Variants in GUCY2C observed in about 807,000 individuals in gnomAD.
GUCY2C encodes the protein guanylyl cyclase C.
A neutral mutation model predicts 131.1 loss-of-function variants in GUCY2C; 118 were observed. The observed-to-expected ratio is 0.90, with a 90% CI of 0.78 to 1.05. GUCY2C has a LOEUF of 1.05. GUCY2C is among the 50% of genes least tolerant of loss of function. GUCY2C has a pLI of 0.00. For missense variants in GUCY2C, 1,161 were observed against 1,304.4 expected (o/e 0.89, Z 1.69); for synonymous variants, 452 against 457.8 (o/e 0.99, Z 0.16).
At position 14,613,244 on chromosome 12, in the gene GUCY2C, T is replaced by C. The variant is rs1592065419; in HGVS notation, c.3095A>G (p.Asn1032Ser). 2 of 1,613,268 alleles carry C rather than the reference T, an allele frequency of 1.2e-6. No individual in the cohort carries two copies. The highest frequency in any genetic ancestry group is 8.5e-7 in the Non-Finnish European group (1 of 1,179,472). Residue 1032 changes from asparagine (N) to serine (S), a missense_variant, in exon 27 of 27, where the codon AAC becomes AGC. Transcript: ENST00000261170. This position sits in a 1 kb window ranked among gnomAD's most constrained non-coding sequence, Gnocchi z 4.9. ...LQAEFSDMIA[N>S]SLQKRQAAGI... ...TGCTGCCTGTCTTTTCTGTAAAGAG[T>C]TGGCAATCATGTCTGAAAATTCTGC...
chr12:14,669,666 C>T, intron 10 of GUCY2C, 56 bp downstream of exon 10: 1 of 881,966 alleles, frequency 1.1e-6, no homozygotes, highest in Non-Finnish European at 1.8e-6. Context: ...ATAGACTTTA[C>T]TTTTCTTACC....
In GUCY2C at chr12:14,674,774, G is replaced by GA; in HGVS notation, c.949-15dup. ...GTCTCGTTTTGTCTAAATAAAAAAG[G>GA]AAAATATTAAAACGGGTCCTTCAAA... On this transcript the variant is annotated splice_polypyrimidine_tract_variant and intron_variant, in intron 7 of 26. Coordinates refer to ENST00000261170, the MANE Select transcript of GUCY2C (RefSeq NM_004963.4). 6.3e-7 allele frequency: 1 copy of GA among 1,588,950 alleles called. No individual in the cohort carries two copies. Among genetic ancestry groups the GA allele is most frequent in the Admixed American group, 1.8e-5 (1 of 56,472 alleles).
At chr12:14,620,684 A>G (rs554352031) in intron 23 of GUCY2C, among the ~76,000 whole-genome samples, 1 of 152,236 alleles carries the variant, frequency 6.6e-6, no homozygotes, top group South Asian at 2.1e-4. Flanking sequence ...ATACTATAAT[A>G]TTTTAGTGGG....
intron 19 of GUCY2C, among the ~76,000 whole-genome samples, chr12:14,633,207 C>T (rs1198553962): frequency 6.6e-6 from 1 of 152,162 alleles, no homozygotes; most frequent in East Asian, 1.9e-4. Context: ...CTCCAAGGGG[C>T]CCTGAGGACC....
intron 17 of GUCY2C, among the ~76,000 whole-genome samples, chr12:14,643,285 CT>C (rs1182269736): frequency 6.6e-6 from 1 of 152,054 alleles, no homozygotes; most frequent in Non-Finnish European, 1.5e-5. Flanking sequence ...CTGCTCTAAC[CT>C]TCTATATTTT....
In GUCY2C at chr12:14,632,699, G is replaced by A. The variant is rs1379053548; in HGVS notation, c.2158-3962C>T. On this transcript the variant is annotated intron_variant, in intron 19 of 26. Coordinates refer to ENST00000261170, the MANE Select transcript of GUCY2C (RefSeq NM_004963.4). ...GAATGACCCCTGCCTACTGAAGCCA[G>A]TGCCTGTACACACCACAGGGTGGGG... 7.9e-5 allele frequency among the ~76,000 whole-genome samples: 12 copies of A among 152,320 alleles called. No individual in the cohort carries two copies. In the East Asian group the frequency reaches 2.3e-3, roughly 29 times the overall value.
rs1947500973 is a variant in GUCY2C at position 14,645,441 on chromosome 12, A to G, written c.1711-126T>C. On this transcript the variant is annotated intron_variant, in intron 15 of 26. Coordinates refer to ENST00000261170, the MANE Select transcript of GUCY2C (RefSeq NM_004963.4). ...AGGATCAGGAACAAATTGGAATTCC[A>G]TTGTCTGGGATTTCATGAACCTGTG... 9 of 585,824 alleles carry G rather than the reference A, an allele frequency of 1.5e-5. No homozygotes were observed. In the South Asian group the frequency reaches 1.9e-4, roughly 12 times the overall value. 36.3% of individuals were successfully genotyped at this position (585,824 alleles called of 1,614,324 possible).
intron 19 of GUCY2C, among the ~76,000 whole-genome samples, chr12:14,636,477 A>G (rs1203071986): frequency 2.0e-5 from 3 of 152,136 alleles, no homozygotes; most frequent in East Asian, 1.9e-4. Context: ...AAGGCCAGCC[A>G]TATATCACAC....
chr12:14,674,438 A>G (rs1389237963), intron 8 of GUCY2C, 187 bp downstream of exon 8: 4 of 672,474 alleles, frequency 5.9e-6, no homozygotes, highest in Admixed American at 2.2e-5. Flanking sequence ...AGACTGAAAC[A>G]TAAACCGGAG....
chr12:14,616,529 C>T, intron 25 of GUCY2C, 104 bp downstream of exon 25: 1 of 762,062 alleles, frequency 1.3e-6, no homozygotes. Context: ...GTGATGAGTA[C>T]AGAAGAGGAT....
chr12:14,680,939 A>G (rs1948336036), intron 5 of GUCY2C, among the ~76,000 whole-genome samples: 1 of 152,182 alleles, frequency 6.6e-6, no homozygotes, highest in East Asian at 1.9e-4. Flanking sequence ...GCATGAAGCT[A>G]TGTAATCAAT....
chr12:14,620,216 A>G (rs529331511), intron 23 of GUCY2C, among the ~76,000 whole-genome samples: 8 of 152,162 alleles, frequency 5.3e-5, no homozygotes, highest in Non-Finnish European at 1.2e-4. Flanking sequence ...TACATAAACA[A>G]ACTAAAAGCC....
intron 1 of GUCY2C, among the ~76,000 whole-genome samples, chr12:14,688,790 C>T (rs569044561): frequency 4.6e-5 from 7 of 152,274 alleles, no homozygotes; most frequent in South Asian, 2.1e-4. Flanking sequence ...CTTAGCCATG[C>T]GACACATGGT....
intron 22 of GUCY2C, 113 bp from the exon 23 acceptor site, chr12:14,621,329 G>C (rs990280819): frequency 5.3e-5 from 47 of 881,566 alleles, no homozygotes; most frequent in Non-Finnish European, 7.6e-5. Context: ...CACAGTATGA[G>C]CATAGCCCTT....
In GUCY2C at chr12:14,625,831, C is replaced by G; in HGVS notation, c.2334G>C (p.Leu778=). 6.2e-7 allele frequency: 1 copy of G among 1,613,536 alleles called. No individual in the cohort carries two copies. Among genetic ancestry groups the G allele is most frequent in the Non-Finnish European group, 8.5e-7 (1 of 1,179,492 alleles). The change falls in exon 21 of 27, where the codon CTG becomes CTC. Residue 778 remains leucine (L), a synonymous_variant. Transcript: ENST00000261170. ...TGTACAGCTGTGTCCTTTCCTCTAC[C>G]AGATGTTCCAGGTTTCGAGAATATA... ...LQLYSRNLEH[L]VEERTQLYKA...
intron 25 of GUCY2C, 39 bp from the exon 26 acceptor site, chr12:14,614,982 G>C: frequency 8.7e-7 from 1 of 1,143,424 alleles, no homozygotes; most frequent in Non-Finnish European, 1.3e-6. Flanking sequence ...GGAGTCCAAG[G>C]AGTCAGTTCA....
intron 24 of GUCY2C, 78 bp downstream of exon 24, chr12:14,619,133 T>G: frequency 1.3e-6 from 1 of 799,474 alleles, no homozygotes; most frequent in Non-Finnish European, 2.2e-6. Context: ...ATCTCCTTAT[T>G]GTGCATTTTA....
intron 10 of GUCY2C, among the ~76,000 whole-genome samples, chr12:14,666,253 A>G (rs1194823969): frequency 1.3e-5 from 2 of 152,158 alleles, no homozygotes; most frequent in Non-Finnish European, 2.9e-5. Flanking sequence ...GGCCGGCACA[A>G]TGACACCCCC....
At chr12:14,695,800 G>A (rs570045299) in intron 1 of GUCY2C, among the ~76,000 whole-genome samples, 16 of 152,084 alleles carry the variant, frequency 1.1e-4, no homozygotes, top group South Asian at 1.0e-3. Context: ...TCCTGGAACC[G>A]GGCAATAAAC....
Sources: allele counts gnomAD v4.1 joint callset (sites outside exome capture counted in the v4.1 genomes callset), GRCh38; gene constraint gnomAD v4.1.1; non-coding constraint Gnocchi (gnomAD v3.1); transcripts MANE v1.5; gene names NCBI Gene and HGNC (gene_info 2026-07-23, HGNC 2026-07-21).